The following FSTL4 variants were observed in gnomAD, a reference collection of about 807,000 sequenced individuals.
The protein encoded by FSTL4 is follistatin like 4.
FSTL4 carries 28 observed loss-of-function variants against 78.2 expected under a neutral mutation model. That is an observed-to-expected ratio of 0.36 (90% CI 0.27 to 0.49). FSTL4 has a LOEUF of 0.49. Ranked by LOEUF, FSTL4 falls within the 20% of genes least tolerant of loss-of-function variation. The pLI, the probability that FSTL4 is intolerant of heterozygous loss-of-function variation, is 0.98. For missense variants in FSTL4, 922 were observed against 1,084.9 expected (o/e 0.85, Z 2.11); for synonymous variants, 422 against 440.5 (o/e 0.96, Z 0.53).
At chr5:133,816,006 C>G in the FSTL4 span, among the ~76,000 whole-genome samples, 1 of 152,296 alleles carries the variant, frequency 6.6e-6, no homozygotes, top group East Asian at 1.9e-4. Flanking sequence ...TTATACAATA[C>G]AGAGGAAGAC....
intron 3 of FSTL4, among the ~76,000 whole-genome samples, chr5:133,529,868 T>G (rs923052027): frequency 2.1e-5 from 3 of 142,730 alleles, no homozygotes; most frequent in African/African-American, 7.7e-5. Context: ...ATGTTTCGGG[T>G]TTTTTTTTTT....
intron 4 of FSTL4, among the ~76,000 whole-genome samples, chr5:133,382,102 C>G (rs986562924): frequency 6.6e-6 from 1 of 152,246 alleles, no homozygotes; most frequent in Admixed American, 6.5e-5. Context: ...TCAGCAGGGT[C>G]TGCCCAGATA....
At chr5:133,795,588 T>C in the FSTL4 span, among the ~76,000 whole-genome samples, 3 of 150,736 alleles carry the variant, frequency 2.0e-5, no homozygotes, top group Non-Finnish European at 4.4e-5. Context: ...CTGATTTTCA[T>C]TGGGAATCTT....
chr5:133,809,618 A>T, the FSTL4 span, among the ~76,000 whole-genome samples: 1 of 152,150 alleles, frequency 6.6e-6, no homozygotes, highest in African/African-American at 2.4e-5. Flanking sequence ...GGAAAAAAAA[A>T]AAAGAAAAAA....
chr5:133,432,676 G>A (rs1561715179), intron 3 of FSTL4, among the ~76,000 whole-genome samples: 1 of 152,224 alleles, frequency 6.6e-6, no homozygotes, highest in Non-Finnish European at 1.5e-5. Flanking sequence ...CAAATAGGCA[G>A]AAATCTGCTC....
chr5:133,840,601 T>C, the FSTL4 span, among the ~76,000 whole-genome samples: 1 of 152,194 alleles, frequency 6.6e-6, no homozygotes, highest in Non-Finnish European at 1.5e-5. Flanking sequence ...CTCCATGTGC[T>C]CACAGGCCCA....
At chr5:133,489,649 C>T (rs1348993752) in intron 3 of FSTL4, among the ~76,000 whole-genome samples, 4 of 152,178 alleles carry the variant, frequency 2.6e-5, no homozygotes, top group Admixed American at 2.6e-4. Flanking sequence ...CCTTTTAGCA[C>T]ATAGACAGCA....
chr5:133,407,745 A>G (rs2126977170), intron 3 of FSTL4, among the ~76,000 whole-genome samples: 1 of 152,390 alleles, frequency 6.6e-6, no homozygotes, highest in South Asian at 2.1e-4. Flanking sequence ...GTCCCTGGGC[A>G]CGGCTTTTGG....
chr5:133,217,956 C>G (rs2126783012), intron 12 of FSTL4, among the ~76,000 whole-genome samples: 1 of 152,270 alleles, frequency 6.6e-6, no homozygotes, highest in South Asian at 2.1e-4. Context: ...TCTCTAAAAT[C>G]CACCCCCTTG....
chr5:133,280,852 T>A (rs1414938677), intron 6 of FSTL4, among the ~76,000 whole-genome samples: 1 of 152,206 alleles, frequency 6.6e-6, no homozygotes, highest in Non-Finnish European at 1.5e-5. Context: ...CCTGGACATC[T>A]GGCTAGTTCC....
the FSTL4 span, among the ~76,000 whole-genome samples, chr5:133,683,261 C>T: frequency 2.0e-5 from 3 of 152,098 alleles, no homozygotes; most frequent in Non-Finnish European, 2.9e-5. Context: ...GTTACATCTG[C>T]CATCCCCTAA....
At chr5:133,569,833 T>C (rs1264791041) in intron 2 of FSTL4, among the ~76,000 whole-genome samples, 2 of 152,206 alleles carry the variant, frequency 1.3e-5, no homozygotes, top group Non-Finnish European at 2.9e-5. Context: ...ATTTTAAATA[T>C]GTTTTACATT....
chr5:133,727,440 A>C, the FSTL4 span, among the ~76,000 whole-genome samples: 4 of 152,230 alleles, frequency 2.6e-5, no homozygotes, highest in African/African-American at 9.6e-5. Flanking sequence ...GGAGAAAATC[A>C]TCAACATTCC....
intron 3 of FSTL4, among the ~76,000 whole-genome samples, chr5:133,562,786 T>G (rs1357535799): frequency 3.9e-5 from 6 of 152,212 alleles, no homozygotes. Flanking sequence ...CAGAGATGGC[T>G]GACAAGGGCT....
chr5:133,349,922 G>A (rs1433883816), intron 4 of FSTL4, among the ~76,000 whole-genome samples: 1 of 144,694 alleles, frequency 6.9e-6, no homozygotes, highest in Non-Finnish European at 1.5e-5. Flanking sequence ...TTGTCATGCT[G>A]CCATGCGACT....
intron 4 of FSTL4, among the ~76,000 whole-genome samples, chr5:133,373,646 G>T (rs966379512): frequency 3.3e-5 from 5 of 152,182 alleles, no homozygotes; most frequent in Non-Finnish European, 7.4e-5. Context: ...CTGAACAACT[G>T]TTTGGGGCAG....
chr5:133,525,355 G>C (rs185133194), intron 3 of FSTL4, among the ~76,000 whole-genome samples: 2 of 152,332 alleles, frequency 1.3e-5, no homozygotes, highest in East Asian at 3.9e-4. Context: ...AGGATACACA[G>C]AGTTCCCACT....
At chr5:133,617,792 G>A in the FSTL4 span, among the ~76,000 whole-genome samples, 2 of 152,220 alleles carry the variant, frequency 1.3e-5, no homozygotes. Flanking sequence ...CAAGAGGGCA[G>A]AGGACAAAGT....
chr5:133,331,963 G>T (rs1186234759), intron 4 of FSTL4, among the ~76,000 whole-genome samples: 1 of 152,212 alleles, frequency 6.6e-6, no homozygotes, highest in African/African-American at 2.4e-5. Context: ...GTGAAAGTCG[G>T]TGCCAGGCGG....
Sources: gnomAD v4.1 joint callset for allele counts (sites outside exome capture counted in the v4.1 genomes callset) on GRCh38, gnomAD v4.1.1 for gene constraint, MANE v1.5 for transcripts, NCBI Gene and HGNC (gene_info 2026-07-23, HGNC 2026-07-21) for gene names.